MED16: variants seen among roughly 807,000 people sequenced by gnomAD.
MED16 encodes mediator complex subunit 16, also known as mediator of RNA polymerase II transcription subunit 16.
Under a neutral mutation model 84.4 loss-of-function variants are expected in MED16, and 81 were observed. The ratio of observed to expected loss-of-function variants is 0.96; its 90% CI spans 0.80 to 1.15. The LOEUF (loss-of-function observed/expected upper bound fraction) is 1.15. Ranked by LOEUF, MED16 falls within the 50% of genes most tolerant of loss-of-function variation. The pLI is 0.00. For missense variants in MED16, 1,585 were observed against 1,245.9 expected (o/e 1.27, Z -4.10); for synonymous variants, 897 against 552.2 (o/e 1.62, Z -8.76).
At chr19:882,658 G>A (rs756795318) in intron 6 of MED16, among the ~76,000 whole-genome samples, 17 of 152,228 alleles carry the variant, frequency 1.1e-4, no homozygotes, top group African/African-American at 1.4e-4. Context: ...ACGCCACCTC[G>A]GCTGCTAACC....
In MED16 at chr19:888,666, C is replaced by T. The variant is rs552236536; in HGVS notation, c.447+972G>A. Among the ~76,000 whole-genome samples the T allele has an allele frequency of 1.1e-4, 17 of 152,234 alleles. No individual in the cohort carries two copies. The South Asian group carries it at 2.3e-3, about 20-fold the overall frequency. On this transcript the variant is annotated intron_variant, in intron 4 of 15. Coordinates refer to ENST00000325464, the MANE Select transcript of MED16 (RefSeq NM_005481.3). ...GTTCTAAGGTCTGTGAACTCCATCC[C>T]GACAAAACTGTTACCAAAAACAGGA... is the stretch of plus-strand genomic sequence containing the variant.
chr19:884,797 G>A lies in MED16; in HGVS notation c.985+106C>T, dbSNP rs376460813. On this transcript the variant is annotated intron_variant, in intron 6 of 15. Coordinates refer to ENST00000325464, the MANE Select transcript of MED16 (RefSeq NM_005481.3). ...CGAGGCGAGACGATCGCTTAGGGCC[G>A]GGGTTCAGGACCACCCTGGGTGACA... is the stretch of plus-strand genomic sequence containing the variant. 2.6e-5 allele frequency: 22 copies of A among 831,702 alleles called. No homozygotes were observed. The East Asian group carries it at 2.9e-4, about 11-fold the overall frequency. The allele number at this position is 831,702 out of a possible 1,614,324, so 51.5% of individuals were successfully genotyped here. A position where few individuals can be genotyped will look rare whatever the true frequency, so the allele number is the denominator to read the frequency against.
chr19:879,649 G>A (rs28375818), intron 8 of MED16, among the ~76,000 whole-genome samples: 3 of 44,900 alleles, frequency 6.7e-5, no homozygotes, highest in Non-Finnish European at 9.1e-5. Context: ...AGCAGCTCAC[G>A]TTCCCCTGGT....
rs35223165 is a variant in MED16 at position 886,269 on chromosome 19, AAC to A, written c.448-70_448-69del. Reference sequence around the variant, plus strand: ...TGGGGGCTGCCCCATGACCCCCAGAAACACGCGCACAGAAGAACCACGCAGAA... The same window carrying A: ...TGGGGGCTGCCCCATGACCCCCAGAAACGCGCACAGAAGAACCACGCAGAA... On this transcript the variant is annotated intron_variant, in intron 4 of 15. Transcript: ENST00000325464. The A allele has an allele frequency of 4.1e-3, 5,512 of 1,346,514 alleles. 143 individuals carry two copies. In the African/African-American group the frequency reaches 0.067, roughly 16 times the overall value. 83.4% of individuals were successfully genotyped at this position (1,346,514 alleles called of 1,614,324 possible).
intron 13 of MED16, among the ~76,000 whole-genome samples, chr19:869,814 C>T (rs1351231314): frequency 6.6e-6 from 1 of 152,244 alleles, no homozygotes; most frequent in Non-Finnish European, 1.5e-5. Context: ...TTTGCATGTG[C>T]TCCTTGTCAA....
intron 1 of MED16, 148 bp downstream of exon 1, chr19:892,938 G>GCCCCGCGCCCCC (rs869260826): frequency 8.4e-6 from 1 of 118,390 alleles, no homozygotes; most frequent in East Asian, 2.4e-4. Context: ...CGCGCCCCGC[G>GCCCCGCGCCCCC]CCCCAGGCCG....
In MED16 at chr19:871,156, C is replaced by G. The variant is rs1295895937; in HGVS notation, c.2196G>C (p.Leu732=). The G allele has an allele frequency of 6.5e-7, 1 of 1,548,548 alleles. No homozygotes were observed. Among genetic ancestry groups the G allele is most frequent in the Admixed American group, 2.0e-5 (1 of 51,038 alleles). Residue 732 remains leucine (L), a synonymous_variant, in exon 13 of 16, where the codon CTG becomes CTC. Coordinates refer to ENST00000325464, the MANE Select transcript of MED16 (RefSeq NM_005481.3). ...GGCTAACCAGGCCGTCGCTGGCTGG[C>G]AGCCAGTCCAGGCTGGGGATAAGCA... The part of the protein sequence containing the change: ...SQLLIPSLDW[L]PASDGLVSRL...
chr19:891,289 C>G, intron 1 of MED16, 140 bp from the exon 2 acceptor site: 1 of 829,226 alleles, frequency 1.2e-6, no homozygotes, highest in Non-Finnish European at 1.8e-6. Context: ...CCAGACAGAG[C>G]CTGGGGCTGG....
At chr19:872,599 C>A (rs1181314252) in intron 11 of MED16, among the ~76,000 whole-genome samples, 1 of 150,918 alleles carries the variant, frequency 6.6e-6, no homozygotes, top group Non-Finnish European at 1.5e-5. Context: ...CAGGATGAAG[C>A]CGGGTGGGTG....
chr19:875,881 G>A (rs1431485943), intron 9 of MED16, among the ~76,000 whole-genome samples: 1 of 152,222 alleles, frequency 6.6e-6, no homozygotes, highest in Non-Finnish European at 1.5e-5. Flanking sequence ...TTGGGAGGCT[G>A]AGGCTGGAGG....
rs150470824 is a variant in MED16 at position 880,075 on chromosome 19, G to T, written c.1215C>A (p.Phe405Leu). ...CAGGCCTCGGGGCCGCGGAGCTGTA[G>T]AAGACGGCCATGGTCTGCAGTGAGA... ...HRLSLQTMAV[F>L]YSSAAPRPVD... Residue 405 changes from phenylalanine (F) to leucine (L), a missense_variant, in exon 8 of 16, where the codon TTC becomes TTA. Phe to Leu is a conservative substitution (Grantham distance 22, BLOSUM62 0). Coordinates refer to ENST00000325464, the MANE Select transcript of MED16 (RefSeq NM_005481.3). 4 of 1,611,072 alleles carry T rather than the reference G, an allele frequency of 2.5e-6. No individual in the cohort carries two copies. Among genetic ancestry groups the T allele is most frequent in the Admixed American group, 1.7e-5 (1 of 59,936 alleles).
At chr19:872,218 G>A in intron 11 of MED16, 100 bp from the exon 12 acceptor site, 1 of 969,812 alleles carries the variant, frequency 1.0e-6, no homozygotes, top group Non-Finnish European at 1.5e-6. Flanking sequence ...GGGGGCAATG[G>A]GCAGGGTCTG....
rs759126722 is a variant in MED16 at position 881,604 on chromosome 19, T to C, written c.1096A>G (p.Thr366Ala). ...LPKLPISLTNTDLKVASDTQF... is the reference protein window; with the variant it reads ...LPKLPISLTNADLKVASDTQF... Reference sequence around the variant, plus strand: ...GTGTCGCTGGCCACCTTGAGGTCGGTGTTGGTGAGCGAGATGGGCAGCTTG... The same window carrying C: ...GTGTCGCTGGCCACCTTGAGGTCGGCGTTGGTGAGCGAGATGGGCAGCTTG... The change falls in exon 7 of 16, where the codon ACC becomes GCC. Residue 366 changes from threonine to alanine, a missense_variant. Transcript: ENST00000325464. The C allele has an allele frequency of 6.2e-7, 1 of 1,612,560 alleles. No individual in the cohort carries two copies. The highest frequency in any genetic ancestry group is 1.1e-5 in the South Asian group (1 of 91,080).
intron 1 of MED16, 141 bp from the exon 2 acceptor site, chr19:891,290 C>G (rs2036626690): frequency 1.3e-6 from 1 of 784,886 alleles, no homozygotes; most frequent in Non-Finnish European, 2.0e-6. Flanking sequence ...CAGACAGAGC[C>G]TGGGGCTGGG....
At chr19:870,669 G>T (rs1033419842) in intron 13 of MED16, among the ~76,000 whole-genome samples, 1 of 151,956 alleles carries the variant, frequency 6.6e-6, no homozygotes, top group Non-Finnish European at 1.5e-5. Flanking sequence ...ATGGAGTTAG[G>T]GGCACCTAGA....
intron 4 of MED16, among the ~76,000 whole-genome samples, 185 bp from the exon 5 acceptor site, chr19:886,386 C>G (rs118130273): frequency 1.3e-5 from 2 of 152,370 alleles, no homozygotes; most frequent in South Asian, 4.1e-4. Context: ...GTCTCCTCAT[C>G]TGTAAGGTGG....
intron 6 of MED16, among the ~76,000 whole-genome samples, 191 bp from the exon 7 acceptor site, chr19:881,905 T>C (rs2036429484): frequency 6.6e-6 from 1 of 152,164 alleles, no homozygotes; most frequent in African/African-American, 2.4e-5. Context: ...ACTCATTGGT[T>C]CCAGGATGGG....
chr19:869,354 G>C (rs751397751), intron 13 of MED16, among the ~76,000 whole-genome samples: 1 of 151,910 alleles, frequency 6.6e-6, no homozygotes, highest in Non-Finnish European at 1.5e-5. Flanking sequence ...CCAGACACCC[G>C]GCCTGGAGGT....
intron 12 of MED16, chr19:871,711 C>CT (rs2036063538): frequency 8.3e-7 from 1 of 1,205,692 alleles, no homozygotes; most frequent in African/African-American, 1.8e-5. Flanking sequence ...CCTGCAGGGG[C>CT]TTATGTTCTG....
Sources: gnomAD v4.1 joint callset for allele counts (sites outside exome capture counted in the v4.1 genomes callset) on GRCh38, gnomAD v4.1.1 for gene constraint, MANE v1.5 for transcripts, NCBI Gene and HGNC (gene_info 2026-07-23, HGNC 2026-07-21) for gene names.